The following GARNL3 variants were observed in gnomAD, a reference collection of about 807,000 sequenced individuals.
The protein encoded by GARNL3 is GTPase activating Rap/RanGAP domain like 3, also known as GTPase-activating Rap/Ran-GAP domain-like protein 3.
Under a neutral mutation model 125.0 loss-of-function variants are expected in GARNL3, and 63 were observed. The ratio of observed to expected loss-of-function variants is 0.50; its 90% CI spans 0.41 to 0.62. The LOEUF (loss-of-function observed/expected upper bound fraction) is 0.62, where lower values mean the gene tolerates loss of function less well. GARNL3 is among the 20% of genes least tolerant of loss of function. The probability of loss-of-function intolerance (pLI) is 0.00; values close to 1 mark genes in which losing one functional copy is unlikely to be tolerated. For missense variants in GARNL3, 994 were observed against 1,244.0 expected (o/e 0.80, Z 3.02); for synonymous variants, 439 against 457.5 (o/e 0.96, Z 0.52).
chr9:127,302,871 G>T (rs998170051), intron 2 of GARNL3, among the ~76,000 whole-genome samples: 2 of 152,190 alleles, frequency 1.3e-5, no homozygotes, highest in Non-Finnish European at 2.9e-5. Flanking sequence ...ATATTCCCGG[G>T]CTGGGCATGG....
At chr9:127,388,345 G>A (rs1449382558) in intron 25 of GARNL3, 1 of 152,852 alleles carries the variant, frequency 6.5e-6, no homozygotes, top group African/African-American at 2.4e-5. Flanking sequence ...TTTCAGTGGG[G>A]AGGAGGGAGT....
chr9:127,331,818 T>C (rs1829276662), intron 7 of GARNL3, among the ~76,000 whole-genome samples: 1 of 148,572 alleles, frequency 6.7e-6, no homozygotes, highest in Admixed American at 7.0e-5. Context: ...GCCTATAATT[T>C]TCATTTCTGT....
rs141702758 is a variant in GARNL3, at chr9:127,286,457, G to T, written c.145-4711G>T. Among the ~76,000 whole-genome samples, 213 of 152,232 alleles carry T rather than the reference G, an allele frequency of 1.4e-3. 2 individuals carry two copies. Among genetic ancestry groups the T allele is most frequent in the African/African-American group, 5.0e-3 (206 of 41,546 alleles). ...TGTTCTCTGCCCAAGGACCACTTTC[G>T]TAACACCCCAGTCCATTCTTTACAG... On this transcript the variant is annotated intron_variant, in intron 1 of 27. Coordinates refer to ENST00000373387, the MANE Select transcript of GARNL3 (RefSeq NM_032293.5).
At chr9:127,292,168 G>A (rs765265936) in intron 2 of GARNL3, among the ~76,000 whole-genome samples, 1 of 152,188 alleles carries the variant, frequency 6.6e-6, no homozygotes, top group Non-Finnish European at 1.5e-5. Flanking sequence ...GGAAGTGATT[G>A]CATGTTTTCA....
rs1390439226 is a variant in GARNL3 at position 127,385,273 on chromosome 9, G to C, written c.2388+128G>C. 9 of 552,420 alleles carry C rather than the reference G, an allele frequency of 1.6e-5. No individual in the cohort carries two copies. The highest frequency in any genetic ancestry group is 2.9e-5 in the Non-Finnish European group (9 of 307,092). The allele number at this position is 552,420 out of a possible 1,614,324, so 34.2% of individuals were successfully genotyped here. ...AAGACCGGTGTCAGAATGCCAGCAC[G>C]AGATGGAAAGCCTGAAACCAGACTG... On this transcript the variant is annotated intron_variant, in intron 24 of 27. Coordinates refer to ENST00000373387, the MANE Select transcript of GARNL3 (RefSeq NM_032293.5). The surrounding 1 kb of genome is among the most constrained non-coding windows in gnomAD (Gnocchi z 4.1).
At chr9:127,380,285 T>A (rs1832180950) in intron 22 of GARNL3, among the ~76,000 whole-genome samples, 1 of 151,902 alleles carries the variant, frequency 6.6e-6, no homozygotes, top group Non-Finnish European at 1.5e-5. Flanking sequence ...TTTTTAAAAT[T>A]TTCTTCTTTA....
intron 7 of GARNL3, among the ~76,000 whole-genome samples, chr9:127,331,362 A>G (rs1017305813): frequency 1.3e-5 from 2 of 151,972 alleles, no homozygotes; most frequent in Non-Finnish European, 2.9e-5. Flanking sequence ...GCATGGTGGC[A>G]TATGCTTGTA....
intron 17 of GARNL3, 89 bp downstream of exon 17, chr9:127,349,124 C>A: frequency 1.1e-6 from 1 of 870,572 alleles, no homozygotes; most frequent in Non-Finnish European, 1.9e-6. Context: ...TCCCTTTGGG[C>A]CATAAATGTG....
intron 22 of GARNL3, among the ~76,000 whole-genome samples, chr9:127,382,058 T>C (rs1005352475): frequency 6.6e-6 from 1 of 152,166 alleles, no homozygotes; most frequent in African/African-American, 2.4e-5. Flanking sequence ...CCCAGCACTG[T>C]GGGAGGCTGG....
In GARNL3 at chr9:127,339,729, C is replaced by A. The variant is rs1829760117; in HGVS notation, c.1113C>A (p.Phe371Leu). The change falls in exon 13 of 28, where the codon TTC (phenylalanine) becomes TTA (leucine). Residue 371 changes from phenylalanine (F) to leucine (L), a missense_variant. By Grantham distance (22) the Phe-to-Leu change is conservative. Transcript: ENST00000373387. Reference protein sequence around the residue: ...TPPVFTDHQEFRDFLLVKLIN... With the variant: ...TPPVFTDHQELRDFLLVKLIN... ...CAGTGTTTACAGACCACCAGGAATTCAGGGACTTTTTGCTAGTGAAATGTA... is the reference window on the plus strand; with the variant it reads ...CAGTGTTTACAGACCACCAGGAATTAAGGGACTTTTTGCTAGTGAAATGTA... 1 of 1,612,470 alleles carries A rather than the reference C, an allele frequency of 6.2e-7. No individual in the cohort carries two copies. Among genetic ancestry groups the A allele is most frequent in the African/African-American group, 1.3e-5 (1 of 74,896 alleles).
rs1420259611 is a variant in GARNL3 at position 127,278,938 on chromosome 9, CT to C, written c.145-12228del. 1.1e-4 allele frequency among the ~76,000 whole-genome samples: 16 copies of C among 152,280 alleles called. No individual in the cohort carries two copies. The East Asian group carries it at 2.9e-3, about 28-fold the overall frequency. The stretch of plus-strand genomic sequence containing the variant: ...TATCTGAATCACCCTCTCTTTTTCT[CT>C]TATAAAGACATCAGTCATGGGATTT... On this transcript the variant is annotated intron_variant, in intron 1 of 27. Transcript: ENST00000373387.
At chr9:127,332,491 G>A (rs763947479) in intron 8 of GARNL3, 142 bp downstream of exon 8, 8 of 694,874 alleles carry the variant, frequency 1.2e-5, no homozygotes, top group Non-Finnish European at 2.0e-5. Context: ...CGTGAATTTT[G>A]TAGGGCAGTT....
intron 1 of GARNL3, among the ~76,000 whole-genome samples, chr9:127,231,044 A>T (rs1461145568): frequency 0.016 from 776 of 47,250 alleles, 5 homozygotes; most frequent in Middle Eastern, 0.038. Flanking sequence ...ACATATATAT[A>T]TATATATTTT....
upstream of GARNL3, chr9:127,264,695 A>ATTTGG (rs2063663732): frequency 8.2e-7 from 1 of 1,223,362 alleles, no homozygotes; most frequent in African/African-American, 1.6e-5. Context: ...CCAAATGACT[A>ATTTGG]AATATTTAAT....
Position 127,248,529 on chromosome 9 carries a change from C to G in GARNL3, c.143+5280C>G, listed in dbSNP as rs539768405. On this transcript the variant is annotated intron_variant, in intron 2 of 10. Coordinates refer to the GARNL3 transcript ENST00000439286. ...TAGGAAGCCCATTTGCTTTTGGACT[C>G]AGCTTTGTTTGTCAATGAAACACTG... Among the ~76,000 whole-genome samples, 29 of 150,802 alleles carry G rather than the reference C, an allele frequency of 1.9e-4. No homozygotes were observed. The South Asian group carries it at 6.1e-3, about 32-fold the overall frequency.
rs918692793 is a variant in GARNL3 at position 127,392,164 on chromosome 9, G to A, written c.2871-919G>A. 1.3e-5 allele frequency among the ~76,000 whole-genome samples: 2 copies of A among 152,224 alleles called. No individual in the cohort carries two copies. The highest frequency in any genetic ancestry group is 1.3e-4 in the Admixed American group (2 of 15,286). On this transcript the variant is annotated intron_variant, in intron 27 of 27. Transcript: ENST00000373387. This position sits in a 1 kb window ranked among gnomAD's most constrained non-coding sequence, Gnocchi z 5.2. ...AGGGTCTCAAACATCAGGGGAGGCTGAGCCTCCTCTCAGAAGTCATAACCT... is the reference window on the plus strand; with the variant it reads ...AGGGTCTCAAACATCAGGGGAGGCTAAGCCTCCTCTCAGAAGTCATAACCT...
intron 6 of GARNL3, among the ~76,000 whole-genome samples, chr9:127,321,473 G>C (rs1053863531): frequency 6.6e-6 from 1 of 152,216 alleles, no homozygotes; most frequent in Non-Finnish European, 1.5e-5. Context: ...GGTCGATTGA[G>C]CTCTTACTCA....
chr9:127,366,680 A>C (rs1831303161), intron 22 of GARNL3: 1 of 152,232 alleles, frequency 6.6e-6, no homozygotes, highest in Non-Finnish European at 1.5e-5. Flanking sequence ...GAACAGAAAG[A>C]TAGAGCAGGT....
chr9:127,343,900 G>C (rs922940950), intron 14 of GARNL3, among the ~76,000 whole-genome samples: 1 of 152,160 alleles, frequency 6.6e-6, no homozygotes, highest in Non-Finnish European at 1.5e-5. Flanking sequence ...TGTTCCAGGG[G>C]GTGCTGCTGT....
Sources: allele counts gnomAD v4.1 joint callset (sites outside exome capture counted in the v4.1 genomes callset), GRCh38; gene constraint gnomAD v4.1.1; non-coding constraint Gnocchi (gnomAD v3.1); transcripts MANE v1.5; gene names NCBI Gene and HGNC (gene_info 2026-07-23, HGNC 2026-07-21).